Variants in AKAP12 observed in about 807,000 individuals in gnomAD.
AKAP12 encodes A-kinase anchor protein 12.
In AKAP12, 32 loss-of-function variants were observed where a neutral mutation model predicts 79.9. That is an observed-to-expected ratio of 0.40 (90% CI 0.30 to 0.54). AKAP12 has a LOEUF of 0.54. AKAP12 is among the 20% of genes least tolerant of loss of function. AKAP12 has a pLI of 0.48. For missense variants in AKAP12, 2,074 were observed against 2,177.0 expected, an observed-to-expected ratio of 0.95 and a Z score of 0.94; for synonymous variants, 808 against 857.0, an observed-to-expected ratio of 0.94 and a Z score of 1.00.
At chr6:151,292,759 G>A (rs898802429) in intron 2 of AKAP12, among the ~76,000 whole-genome samples, 6 of 152,250 alleles carry the variant, frequency 3.9e-5, no homozygotes, top group South Asian at 2.1e-4. Flanking sequence ...CCTGCAAGGC[G>A]TGTTGATGTG....
At chr6:151,250,666 C>T (rs1332726057) in intron 2 of AKAP12, among the ~76,000 whole-genome samples, 4 of 149,386 alleles carry the variant, frequency 2.7e-5, no homozygotes, top group Admixed American at 6.7e-5. Flanking sequence ...AGTGCAGTGG[C>T]GCGATCTCGG....
intron 3 of AKAP12, among the ~76,000 whole-genome samples, chr6:151,335,299 G>A (rs1489797835): frequency 6.6e-6 from 1 of 152,114 alleles, no homozygotes; most frequent in Admixed American, 6.5e-5. Flanking sequence ...AGTAAAATAA[G>A]TCGTTCTATT....
intron 2 of AKAP12, among the ~76,000 whole-genome samples, chr6:151,297,066 A>G (rs1486608488): frequency 2.1e-5 from 3 of 140,878 alleles, no homozygotes; most frequent in Non-Finnish European, 4.5e-5. Flanking sequence ...TGAAGTATTC[A>G]ATTTTAGAGT....
intron 3 of AKAP12, chr6:151,325,924 G>A (rs199880195): frequency 1.2e-6 from 2 of 1,614,120 alleles, no homozygotes; most frequent in Non-Finnish European, 1.7e-6. Flanking sequence ...CTCCCTGGAC[G>A]GCAGGCACGG....
Position 151,252,732 on chromosome 6 carries a change from G to GGAAAAAAA in AKAP12, c.162+12008_162+12009insGAAAAAAA, listed in dbSNP as rs1357356762. On this transcript the variant is annotated intron_variant, in intron 2 of 4. Coordinates refer to ENST00000402676, the MANE Select transcript of AKAP12 (RefSeq NM_005100.4). ...AAGATACCAAGACCCCTGTCTCTGGGAAAAAAAAAAAAAAAAAAAAAAGAT... is the reference window on the plus strand; with the variant it reads ...AAGATACCAAGACCCCTGTCTCTGGGGAAAAAAAAAAAAAAAAAAAAAAAAAAAAAGAT... Among the ~76,000 whole-genome samples, 3 of 95,818 alleles carry GGAAAAAAA rather than the reference G, an allele frequency of 3.1e-5. No homozygotes were observed. In the East Asian group the frequency reaches 9.0e-4, roughly 29 times the overall value. 62.9% of individuals were successfully genotyped at this position (95,818 alleles called of 152,430 possible). A position where few individuals can be genotyped will look rare whatever the true frequency, so the allele number is the denominator to read the frequency against.
intron 2 of AKAP12, among the ~76,000 whole-genome samples, chr6:151,304,481 T>C (rs1436954620): frequency 5.8e-5 from 2 of 34,344 alleles, no homozygotes; most frequent in Admixed American, 4.9e-4. Flanking sequence ...ACAGTGACAC[T>C]CCATCTCAAA....
chr6:151,324,808 C>T (rs1777482918), intron 3 of AKAP12: 2 of 985,310 alleles, frequency 2.0e-6, no homozygotes, highest in African/African-American at 3.5e-5. Flanking sequence ...TCATTCGTCA[C>T]TCGTGTCTTT....
Position 151,276,368 on chromosome 6 carries a change from C to G in AKAP12, c.163-29379C>G, listed in dbSNP as rs576099012. 3.9e-5 allele frequency among the ~76,000 whole-genome samples: 6 copies of G among 152,302 alleles called. No homozygotes were observed. The East Asian group carries it at 1.2e-3, about 29-fold the overall frequency. On this transcript the variant is annotated intron_variant, in intron 2 of 4. Coordinates refer to ENST00000402676, the MANE Select transcript of AKAP12 (RefSeq NM_005100.4). ...ATGAGTGGCAAATTTAGATTCCTTCCTCCAGGAATTTGCTTCATGTTTGAA... is the reference window on the plus strand; with the variant it reads ...ATGAGTGGCAAATTTAGATTCCTTCGTCCAGGAATTTGCTTCATGTTTGAA...
chr6:151,275,541 G>A (rs1234262108), intron 2 of AKAP12, among the ~76,000 whole-genome samples: 2 of 152,176 alleles, frequency 1.3e-5, no homozygotes, highest in Non-Finnish European at 2.9e-5. Flanking sequence ...GATAGCAGAC[G>A]TCACCTTTCT....
chr6:151,285,656 T>C (rs1479305610), intron 2 of AKAP12, among the ~76,000 whole-genome samples: 2 of 152,100 alleles, frequency 1.3e-5, no homozygotes, highest in Non-Finnish European at 2.9e-5. Flanking sequence ...CAAAAAAATT[T>C]AAAGTATCAC....
Position 151,324,225 on chromosome 6 carries a change from A to G in AKAP12, c.319+18322A>G, listed in dbSNP as rs186193798. On this transcript the variant is annotated intron_variant, in intron 3 of 4. Coordinates refer to ENST00000402676, the MANE Select transcript of AKAP12 (RefSeq NM_005100.4). The stretch of plus-strand genomic sequence containing the variant: ...TGGCTGGGTCTGGGAGTCAGCTTCC[A>G]GGCAATATCTCACTGAGTCAGGACA... 443 of 985,450 alleles carry G rather than the reference A, an allele frequency of 4.5e-4. 1 individual carries two copies. In the African/African-American group the frequency reaches 7.5e-3, roughly 17 times the overall value. 61.0% of individuals were successfully genotyped at this position (985,450 alleles called of 1,614,324 possible).
intron 3 of AKAP12, among the ~76,000 whole-genome samples, chr6:151,326,152 T>C (rs1285752419): frequency 6.6e-6 from 1 of 152,218 alleles, no homozygotes; most frequent in Non-Finnish European, 1.5e-5. Context: ...ACCTTTAGTA[T>C]ATTTTGTTCG....
intron 4 of AKAP12, among the ~76,000 whole-genome samples, chr6:151,354,497 C>T (rs763447407): frequency 6.6e-6 from 1 of 152,090 alleles, no homozygotes; most frequent in African/African-American, 2.4e-5. Flanking sequence ...CCTCAGCCTC[C>T]CGAGTAGCTG....
At chr6:151,309,127 G>A (rs548237412) in intron 3 of AKAP12, among the ~76,000 whole-genome samples, 54 of 152,002 alleles carry the variant, frequency 3.6e-4, no homozygotes, top group Non-Finnish European at 7.4e-4. Context: ...CGCCTGCCTC[G>A]GCCTCCCAAA....
rs577556327 is a variant in AKAP12, at chr6:151,357,393, A to G, written c.*1679A>G. 6.6e-6 allele frequency: 1 copy of G among 152,348 alleles called. No homozygotes were observed. The highest frequency in any genetic ancestry group is 2.4e-5 in the African/African-American group (1 of 41,584). The allele number at this position is 152,348 out of a possible 1,614,324, so 9.4% of individuals were successfully genotyped here. ...TTGACACACAGAACTGGCCTGGCATATAGCTTTCCAGATTTTACTCAAACT... is the reference window on the plus strand; with the variant it reads ...TTGACACACAGAACTGGCCTGGCATGTAGCTTTCCAGATTTTACTCAAACT... On this transcript the variant is annotated 3_prime_UTR_variant, in exon 5 of 5. Transcript: ENST00000402676.
At chr6:151,268,868 T>C (rs559680656) in intron 2 of AKAP12, among the ~76,000 whole-genome samples, 1 of 150,684 alleles carries the variant, frequency 6.6e-6, no homozygotes, top group East Asian at 2.0e-4. Context: ...GATCTGGGAC[T>C]CCTGTCCTCA....
Position 151,353,658 on chromosome 6 carries a change from A to G in AKAP12, c.5267A>G (p.Asp1756Gly). The G allele has an allele frequency of 6.2e-7, 1 of 1,614,134 alleles. No homozygotes were observed. Among genetic ancestry groups the G allele is most frequent in the South Asian group, 1.1e-5 (1 of 91,070 alleles). The change falls in exon 4 of 5, where the codon GAT (aspartate) becomes GGT (glycine). Residue 1756 changes from aspartate to glycine, a missense_variant. By Grantham distance (94) the Asp-to-Gly change is moderately conservative. Transcript: ENST00000402676. ...GAAGGAAAAGTGCACAGTGAATCAG[A>G]TAAAGCGATCACACCCCAAGCACAG... ...LQEGKVHSES[D>G]KAITPQAQEE... is the part of the protein sequence containing the mutation.
At chr6:151,345,007 A>G (rs1778052134) in intron 3 of AKAP12, among the ~76,000 whole-genome samples, 1 of 152,140 alleles carries the variant, frequency 6.6e-6, no homozygotes, top group East Asian at 1.9e-4. Flanking sequence ...GAAGCATTCT[A>G]TATTTCTAAA....
At chr6:151,333,158 G>A (rs1022912833) in intron 3 of AKAP12, among the ~76,000 whole-genome samples, 29 of 152,154 alleles carry the variant, frequency 1.9e-4, no homozygotes, top group South Asian at 1.9e-3. Flanking sequence ...TAAAAGAAGC[G>A]CCCTAACGGA....
Sources: allele counts gnomAD v4.1 joint callset (sites outside exome capture counted in the v4.1 genomes callset), GRCh38; gene constraint gnomAD v4.1.1; transcripts MANE v1.5; gene names NCBI Gene and HGNC (gene_info 2026-07-23, HGNC 2026-07-21).